Variants in ACKR2 observed in about 807,000 individuals in gnomAD.
The protein encoded by ACKR2 is C-C chemokine receptor D6.
For synonymous variants in ACKR2, 207 were observed against 192.2 expected, an observed-to-expected ratio of 1.08 and a Z score of -0.64; for missense variants, 457 against 477.3, an observed-to-expected ratio of 0.96 and a Z score of 0.40.
At chr3:42,823,155 T>C (rs965938816) in intron 2 of ACKR2, among the ~76,000 whole-genome samples, 2 of 152,246 alleles carry the variant, frequency 1.3e-5, no homozygotes, top group African/African-American at 4.8e-5. Flanking sequence ...GACAGTCTTC[T>C]CCTATCCAGG....
At chr3:42,825,301 A>G (rs1190383270) in intron 2 of ACKR2, among the ~76,000 whole-genome samples, 5 of 152,148 alleles carry the variant, frequency 3.3e-5, no homozygotes, top group Admixed American at 6.5e-5. Flanking sequence ...AAGGGAGTAC[A>G]TCCCTCTTAA....
chr3:42,862,519 T>G (rs1451082387), intron 2 of ACKR2, among the ~76,000 whole-genome samples: 1 of 152,174 alleles, frequency 6.6e-6, no homozygotes, highest in Non-Finnish European at 1.5e-5. Context: ...ACTTTAAATT[T>G]TATATGGAAC....
rs371579420 is a variant in ACKR2, at chr3:42,864,873, A to C, written c.371A>C (p.Tyr124Ser). The C allele has an allele frequency of 2.0e-5, 33 of 1,614,002 alleles. No homozygotes were observed. In the African/African-American group the frequency reaches 3.3e-4, roughly 16 times the overall value. The change falls in exon 3 of 3, where the codon TAT becomes TCT. Residue 124 changes from tyrosine (Y) to serine (S), a missense_variant. Tyr to Ser is a moderately radical substitution (Grantham distance 144, BLOSUM62 -2). Coordinates refer to ENST00000422265, the MANE Select transcript of ACKR2 (RefSeq NM_001296.5). ...SFLCKMVSTLYTINFYSGIFF... is the reference protein window; with the variant it reads ...SFLCKMVSTLSTINFYSGIFF... Reference sequence around the variant, plus strand: ...TTGTGCAAGATGGTGAGCACTCTTTATACTATTAACTTTTACAGTGGCATC... The same window carrying C: ...TTGTGCAAGATGGTGAGCACTCTTTCTACTATTAACTTTTACAGTGGCATC...
chr3:42,855,582 T>C (rs905014376), intron 2 of ACKR2, among the ~76,000 whole-genome samples: 2 of 151,698 alleles, frequency 1.3e-5, no homozygotes, highest in East Asian at 3.9e-4. Context: ...ATGAAAGTGA[T>C]AGGAGGATGG....
intron 2 of ACKR2, among the ~76,000 whole-genome samples, chr3:42,831,837 C>T (rs78208868): frequency 0.045 from 6,803 of 152,314 alleles, 203 homozygotes; most frequent in Non-Finnish European, 0.069. Context: ...TGTCTCCTGA[C>T]TCTCCTTTCA....
chr3:42,836,483 C>T (rs1031863351), intron 2 of ACKR2, among the ~76,000 whole-genome samples: 2 of 152,204 alleles, frequency 1.3e-5, no homozygotes, highest in African/African-American at 2.4e-5. Context: ...AGACTCCATA[C>T]GGCACCTCTA....
intron 2 of ACKR2, among the ~76,000 whole-genome samples, chr3:42,838,787 A>C (rs1701008691): frequency 6.6e-6 from 1 of 152,224 alleles, no homozygotes; most frequent in South Asian, 2.1e-4. Flanking sequence ...GATTACAAAA[A>C]AACTGGAGAC....
chr3:42,864,506 G>T lies in ACKR2; in HGVS notation c.4G>T (p.Ala2Ser). The T allele has an allele frequency of 1.9e-6, 3 of 1,592,374 alleles. No individual in the cohort carries two copies. The highest frequency in any genetic ancestry group is 2.6e-6 in the Non-Finnish European group (3 of 1,167,914). ...GGACTGGGCATTTCCTTCCAACATG[G>T]CCGCCACTGCCTCTCCGCAGCCACT... Reference protein sequence around the residue: MAATASPQPLAT... With the variant: MSATASPQPLAT... Residue 2 changes from alanine (A) to serine (S), a missense_variant, in exon 3 of 3, where the codon GCC becomes TCC. By Grantham distance (99) the Ala-to-Ser change is moderately conservative. Coordinates refer to ENST00000422265, the MANE Select transcript of ACKR2 (RefSeq NM_001296.5).
In ACKR2 at chr3:42,866,970, C is replaced by T. The variant is rs2088441000; in HGVS notation, c.*1313C>T. 6.1e-6 allele frequency: 1 copy of T among 163,186 alleles called. No individual in the cohort carries two copies. The highest frequency in any genetic ancestry group is 2.4e-5 in the African/African-American group (1 of 41,338). 10.1% of individuals were successfully genotyped at this position (163,186 alleles called of 1,614,324 possible). On this transcript the variant is annotated 3_prime_UTR_variant, in exon 3 of 3. Transcript: ENST00000422265. ...CTCACTGCAGCCACCACCTCCTGAG[C>T]TCAAGTGATCCTCCCATCTAAGCCC...
At position 42,865,954 on chromosome 3, in the gene ACKR2, CCTTTCCTCCCTTCCTA is replaced by C. The variant is rs2088432043; in HGVS notation, c.*305_*320del. The C allele has an allele frequency of 1.9e-5, 6 of 320,862 alleles. No homozygotes were observed. Among genetic ancestry groups the C allele is most frequent in the South Asian group, 1.6e-4 (4 of 24,578 alleles). 19.9% of individuals were successfully genotyped at this position (320,862 alleles called of 1,614,324 possible). A position where few individuals can be genotyped will look rare whatever the true frequency, so the allele number is the denominator to read the frequency against. The stretch of plus-strand genomic sequence containing the variant: ...TCCCTCCCTCGCTTCTTCCCTTCCT[CCTTTCCTCCCTTCCTA>C]CTTTCCTTCCTTCCTTCTGACAGGG... On this transcript the variant is annotated 3_prime_UTR_variant, in exon 3 of 3. Coordinates refer to ENST00000422265, the MANE Select transcript of ACKR2 (RefSeq NM_001296.5).
In ACKR2 at chr3:42,864,729, C is replaced by T. The variant is rs377740123; in HGVS notation, c.227C>T (p.Pro76Leu). 15 of 1,614,084 alleles carry T rather than the reference C, an allele frequency of 9.3e-6. No individual in the cohort carries two copies. In the African/African-American group the frequency reaches 1.9e-4, roughly 20 times the overall value. ...LLLMVLLRYV[P>L]RRRMVEIYLL... ...CTCATGGTCTTGCTCCGTTACGTGC[C>T]TCGCAGGCGGATGGTTGAGATCTAT... Residue 76 changes from proline to leucine, a missense_variant, in exon 3 of 3, where the codon CCT becomes CTT. Physicochemically the swap from Pro to Leu is moderately conservative, Grantham distance 98. Coordinates refer to ENST00000422265, the MANE Select transcript of ACKR2 (RefSeq NM_001296.5).
At chr3:42,821,439 A>T (rs922159685) in intron 2 of ACKR2, among the ~76,000 whole-genome samples, 11 of 152,150 alleles carry the variant, frequency 7.2e-5, no homozygotes, top group African/African-American at 2.4e-4. Context: ...TGCACACTTG[A>T]CCTACACACT....
chr3:42,817,010 T>G (rs545560407), intron 1 of ACKR2, among the ~76,000 whole-genome samples: 115 of 152,312 alleles, frequency 7.6e-4, no homozygotes, highest in African/African-American at 2.7e-3. Flanking sequence ...GAATAACAGC[T>G]TAAATGCTTA....
intron 2 of ACKR2, among the ~76,000 whole-genome samples, chr3:42,830,129 G>T (rs566050205): frequency 5.9e-5 from 9 of 152,158 alleles, no homozygotes; most frequent in African/African-American, 1.7e-4. Context: ...CCTCTTTCCT[G>T]CCTAACTGTC....
chr3:42,822,050 CTT>C (rs1363283738), intron 2 of ACKR2, among the ~76,000 whole-genome samples: 4 of 152,048 alleles, frequency 2.6e-5, no homozygotes, highest in African/African-American at 9.7e-5. Flanking sequence ...TCAATCAAAA[CTT>C]TTGTTTTGAA....
At chr3:42,850,065 A>G (rs1220630976) in intron 2 of ACKR2, among the ~76,000 whole-genome samples, 1 of 152,112 alleles carries the variant, frequency 6.6e-6, no homozygotes, top group Non-Finnish European at 1.5e-5. Flanking sequence ...GGGAGAATAA[A>G]AAAGGAGCCC....
chr3:42,809,861 CAA>C (rs532595301), intron 1 of ACKR2, among the ~76,000 whole-genome samples: 7 of 125,774 alleles, frequency 5.6e-5, no homozygotes, highest in Admixed American at 1.6e-4. Context: ...GACTCCGTCT[CAA>C]AAAAAAAAAA....
At chr3:42,823,775 T>C (rs1482727145) in intron 2 of ACKR2, among the ~76,000 whole-genome samples, 1 of 152,232 alleles carries the variant, frequency 6.6e-6, no homozygotes, top group East Asian at 1.9e-4. Context: ...ACTTTTGTGC[T>C]CTGCTTTTCT....
chr3:42,842,399 A>G (rs970865525), intron 2 of ACKR2, among the ~76,000 whole-genome samples: 1 of 152,248 alleles, frequency 6.6e-6, no homozygotes, highest in African/African-American at 2.4e-5. Context: ...AGATATATTT[A>G]TACAATAATA....
Sources: gnomAD v4.1 joint callset for allele counts (sites outside exome capture counted in the v4.1 genomes callset) on GRCh38, gnomAD v4.1.1 for gene constraint, MANE v1.5 for transcripts, NCBI Gene and HGNC (gene_info 2026-07-23, HGNC 2026-07-21) for gene names.